The following CBLL1 variants were observed in gnomAD, a reference collection of about 807,000 sequenced individuals.
CBLL1 encodes Cbl proto-oncogene like 1.
Under a neutral mutation model 44.9 loss-of-function variants are expected in CBLL1, and 4 were observed. The ratio of observed to expected loss-of-function variants is 0.09; its 90% CI spans 0.04 to 0.20. CBLL1 has a LOEUF of 0.20. Among genes scored for constraint, CBLL1 ranks in the 10% least tolerant of loss-of-function variants. The pLI is 1.00. For missense variants in CBLL1, 569 were observed against 636.7 expected, an observed-to-expected ratio of 0.89 and a Z score of 1.14; for synonymous variants, 235 against 202.2, an observed-to-expected ratio of 1.16 and a Z score of -1.38.
In CBLL1 at chr7:107,758,101, A is replaced by T. The variant is rs1465071564; in HGVS notation, c.441-42A>T. 1 of 1,503,034 alleles carries T rather than the reference A, an allele frequency of 6.7e-7. No homozygotes were observed. The highest frequency in any genetic ancestry group is 1.3e-5 in the South Asian group (1 of 75,268). 93.1% of individuals were successfully genotyped at this position (1,503,034 alleles called of 1,614,324 possible). On this transcript the variant is annotated intron_variant, in intron 5 of 5. Transcript: ENST00000440859. The surrounding 1 kb of genome is among the most constrained non-coding windows in gnomAD (Gnocchi z 4.2). Reference sequence around the variant, plus strand: ...TTTTGAAAATTACATAATTTTTTGTATTCTCTTTTAGTAAATCACATTTCT... The same window carrying T: ...TTTTGAAAATTACATAATTTTTTGTTTTCTCTTTTAGTAAATCACATTTCT...
chr7:107,758,795 C>T lies in CBLL1; in HGVS notation c.1093C>T (p.Pro365Ser). 6.2e-7 allele frequency: 1 copy of T among 1,613,858 alleles called. No homozygotes were observed. The highest frequency in any genetic ancestry group is 8.5e-7 in the Non-Finnish European group (1 of 1,179,956). ...ACATCCTCCCCAGGCTGCAGGTACT[C>T]CTCACTTGGTATATAGCCAAGCTCC... ...MPHPPQAAGTPHLVYSQAPPP... is the reference protein window; with the variant it reads ...MPHPPQAAGTSHLVYSQAPPP... The change falls in exon 6 of 6, where the codon CCT (proline) becomes TCT (serine). Residue 365 changes from proline to serine, a missense_variant. Transcript: ENST00000440859. This position sits in a 1 kb window ranked among gnomAD's most constrained non-coding sequence, Gnocchi z 4.2.
intron 1 of CBLL1, among the ~76,000 whole-genome samples, chr7:107,746,681 G>C (rs1360051612): frequency 1.3e-5 from 2 of 152,184 alleles, no homozygotes; most frequent in Non-Finnish European, 2.9e-5. Context: ...TGGGGAAACA[G>C]ATGAAACCCT....
At chr7:107,756,794 A>G (rs1298225364) in intron 5 of CBLL1, among the ~76,000 whole-genome samples, 1 of 152,224 alleles carries the variant, frequency 6.6e-6, no homozygotes, top group African/African-American at 2.4e-5. Context: ...CTTAAATGTA[A>G]CAAAGTACTA....
At position 107,758,029 on chromosome 7, in the gene CBLL1, C is replaced by T; in HGVS notation, c.441-114C>T. ...AATAACTGTAACTTCTAATTGTGGA[C>T]TTTTGCTATGTTTTATGTAACAGTC... On this transcript the variant is annotated intron_variant, in intron 5 of 5. Coordinates refer to ENST00000440859, the MANE Select transcript of CBLL1 (RefSeq NM_024814.4). This position sits in a 1 kb window ranked among gnomAD's most constrained non-coding sequence, Gnocchi z 4.2. The T allele has an allele frequency of 1.1e-6, 1 of 936,990 alleles. No homozygotes were observed. The highest frequency in any genetic ancestry group is 1.6e-6 in the Non-Finnish European group (1 of 640,370). The allele number at this position is 936,990 out of a possible 1,614,324, so 58.0% of individuals were successfully genotyped here.
chr7:107,748,971 A>G lies in CBLL1; in HGVS notation c.105A>G (p.Ala35=). The G allele has an allele frequency of 6.2e-7, 1 of 1,614,216 alleles. No individual in the cohort carries two copies. Among genetic ancestry groups the G allele is most frequent in the South Asian group, 1.1e-5 (1 of 91,086 alleles). ...RIPIKLISKQ[A]NKAKPAPRTQ... The stretch of plus-strand genomic sequence containing the variant: ...CTATAAAGCTCATCTCCAAACAAGC[A>G]AACAAAGCGAAACCTGCACCGCGAA... The change falls in exon 2 of 6, where the codon GCA becomes GCG. Residue 35 remains alanine, a synonymous_variant. Transcript: ENST00000440859.
chr7:107,752,960 A>G (rs1414493150), intron 2 of CBLL1, among the ~76,000 whole-genome samples: 1 of 152,224 alleles, frequency 6.6e-6, no homozygotes, highest in Non-Finnish European at 1.5e-5. Context: ...TGTTTTCATT[A>G]TGCTATTGGC....
In CBLL1 at chr7:107,744,142, A is replaced by G; in HGVS notation, c.-22A>G. 1.3e-6 allele frequency: 2 copies of G among 1,552,146 alleles called. No individual in the cohort carries two copies. The highest frequency in any genetic ancestry group is 1.7e-6 in the Non-Finnish European group (2 of 1,147,682). ...TCCGGCGCGGTTGACTTCCGCTCCC[A>G]CTGTGCTCTGCGAGCCGAATCATGG... On this transcript the variant is annotated 5_prime_UTR_variant, in exon 1 of 6. Coordinates refer to ENST00000440859, the MANE Select transcript of CBLL1 (RefSeq NM_024814.4).
At chr7:107,746,199 TC>T (rs1383606123) in intron 1 of CBLL1, among the ~76,000 whole-genome samples, 2 of 152,192 alleles carry the variant, frequency 1.3e-5, no homozygotes, top group Non-Finnish European at 2.9e-5. Flanking sequence ...TGAGTCAAGT[TC>T]CTGCCATAGT....
intron 2 of CBLL1, among the ~76,000 whole-genome samples, chr7:107,750,819 A>G (rs1035198766): frequency 3.3e-5 from 5 of 151,880 alleles, no homozygotes; most frequent in South Asian, 2.1e-4. Flanking sequence ...AGTATTATCT[A>G]TGGGGGCTTT....
At position 107,753,921 on chromosome 7, in the gene CBLL1, T is replaced by A; in HGVS notation, c.309T>A (p.Asp103Glu). The change falls in exon 4 of 6, where the codon GAT (aspartate) becomes GAA (glutamate). Residue 103 changes from aspartate to glutamate, a missense_variant. Physicochemically the swap from Asp to Glu is conservative, Grantham distance 45. Coordinates refer to ENST00000440859, the MANE Select transcript of CBLL1 (RefSeq NM_024814.4). ...TAAACATCTTAGGTGAAAAGGATGA[T>A]ACACCAGTTCATTTCTGTGACAAGT... ...FQINILGEKD[D>E]TPVHFCDKCG... 1 of 1,596,474 alleles carries A rather than the reference T, an allele frequency of 6.3e-7. No individual in the cohort carries two copies.
At chr7:107,748,607 A>G (rs1456920905) in intron 1 of CBLL1, among the ~76,000 whole-genome samples, 1 of 152,234 alleles carries the variant, frequency 6.6e-6, no homozygotes, top group East Asian at 1.9e-4. Context: ...CTCTGGAATT[A>G]TATGAAAAAT....
chr7:107,756,093 T>C (rs1793515860), intron 5 of CBLL1, among the ~76,000 whole-genome samples: 1 of 152,154 alleles, frequency 6.6e-6, no homozygotes, highest in Non-Finnish European at 1.5e-5. Context: ...CTCAAACAAG[T>C]TATAAAAAGC....
chr7:107,747,643 C>T (rs1395357176), intron 1 of CBLL1, among the ~76,000 whole-genome samples: 1 of 152,132 alleles, frequency 6.6e-6, no homozygotes, highest in Non-Finnish European at 1.5e-5. Context: ...TAATTCCACC[C>T]CTCTTTGTTT....
intron 4 of CBLL1, among the ~76,000 whole-genome samples, chr7:107,754,885 G>T (rs1468766061): frequency 2.0e-5 from 3 of 152,184 alleles, no homozygotes; most frequent in African/African-American, 7.2e-5. Context: ...AGGGCTTTGG[G>T]AGGCTGAGGT....
In CBLL1 at chr7:107,758,267, C is replaced by T; in HGVS notation, c.565C>T (p.Arg189Cys). 6.2e-7 allele frequency: 1 copy of T among 1,614,096 alleles called. No homozygotes were observed. Among genetic ancestry groups the T allele is most frequent in the Non-Finnish European group, 8.5e-7 (1 of 1,180,002 alleles). Residue 189 changes from arginine to cysteine, a missense_variant, in exon 6 of 6, where the codon CGC becomes TGC. Arg to Cys is a radical substitution (Grantham distance 180, BLOSUM62 -3). Transcript: ENST00000440859. This position sits in a 1 kb window ranked among gnomAD's most constrained non-coding sequence, Gnocchi z 4.2. ...AGACTTACAGGCTCATATCAACCATCGCCATATGAGAGCTGGAAAACCTGT... is the reference window on the plus strand; with the variant it reads ...AGACTTACAGGCTCATATCAACCATTGCCATATGAGAGCTGGAAAACCTGT... ...QRDLQAHINH[R>C]HMRAGKPVTR...
At chr7:107,757,568 G>C (rs991329398) in intron 5 of CBLL1, among the ~76,000 whole-genome samples, 2 of 152,192 alleles carry the variant, frequency 1.3e-5, no homozygotes, top group African/African-American at 4.8e-5. Flanking sequence ...GTGTAAATTT[G>C]TCTGACAGTT....
intron 5 of CBLL1, among the ~76,000 whole-genome samples, 153 bp from the exon 6 acceptor site, chr7:107,757,990 A>G (rs1035769791): frequency 6.6e-6 from 1 of 152,260 alleles, no homozygotes. Context: ...AGGGAAGATT[A>G]AAGGTTTGCG....
chr7:107,752,802 G>T (rs1391376150), intron 2 of CBLL1, among the ~76,000 whole-genome samples: 1 of 152,106 alleles, frequency 6.6e-6, no homozygotes, highest in African/African-American at 2.4e-5. Flanking sequence ...ATGAGAATAC[G>T]ATATGGCTCC....
In CBLL1 at chr7:107,744,154, G is replaced by A. The variant is rs1375811132; in HGVS notation, c.-10G>A. 1.9e-6 allele frequency: 3 copies of A among 1,553,752 alleles called. No individual in the cohort carries two copies. Among genetic ancestry groups the A allele is most frequent in the Non-Finnish European group, 2.6e-6 (3 of 1,148,350 alleles). On this transcript the variant is annotated 5_prime_UTR_variant, in exon 1 of 6. Transcript: ENST00000440859. ...GACTTCCGCTCCCACTGTGCTCTGC[G>A]AGCCGAATCATGGATCACACTGGTA...
Sources: allele counts gnomAD v4.1 joint callset (sites outside exome capture counted in the v4.1 genomes callset), GRCh38; gene constraint gnomAD v4.1.1; non-coding constraint Gnocchi (gnomAD v3.1); transcripts MANE v1.5; gene names NCBI Gene and HGNC (gene_info 2026-07-23, HGNC 2026-07-21).